The following HFM1 variants were observed in gnomAD, a reference collection of about 807,000 sequenced individuals.
HFM1 encodes probable ATP-dependent DNA helicase HFM1.
In HFM1, 169 loss-of-function variants were observed where a neutral mutation model predicts 192.1. The observed-to-expected ratio is 0.88, with a 90% CI of 0.78 to 1.00. HFM1 has a LOEUF of 1.00. Among genes scored for constraint, HFM1 ranks in the 50% least tolerant of loss-of-function variants. The pLI, the probability that HFM1 is intolerant of heterozygous loss-of-function variation, is 0.00. For synonymous variants in HFM1, 525 were observed against 537.8 expected, an observed-to-expected ratio of 0.98 and a Z score of 0.33; for missense variants, 1,661 against 1,668.0, an observed-to-expected ratio of 1.00 and a Z score of 0.07.
At chr1:91,407,586 T>C (rs1379460329), upstream of HFM1, among the ~76,000 whole-genome samples, 1 of 152,266 alleles carries the variant, frequency 6.6e-6, no homozygotes, top group East Asian at 1.9e-4. Flanking sequence ...TTACTCCTTT[T>C]TAAGGCTCAA....
chr1:91,401,116 A>C lies in HFM1; in HGVS notation c.-27-7T>G. On this transcript the variant is annotated splice_region_variant and splice_polypyrimidine_tract_variant and intron_variant, in intron 1 of 38. Coordinates refer to ENST00000370425, the MANE Select transcript of HFM1 (RefSeq NM_001017975.6). ...ACTGGACTTTGTCATAAATCTACAA[A>C]ATATGGAAAAAGTAGTTTATATTTT... The C allele has an allele frequency of 8.3e-7, 1 of 1,202,434 alleles. No individual in the cohort carries two copies. The allele number at this position is 1,202,434 out of a possible 1,614,324, so 74.5% of individuals were successfully genotyped here.
In HFM1 at chr1:91,364,633, T is replaced by TATA. The variant is rs1491502536; in HGVS notation, c.1685+10724_1685+10725insTAT. Among the ~76,000 whole-genome samples, 240 of 25,180 alleles carry TATA rather than the reference T, an allele frequency of 9.5e-3. 2 individuals carry two copies. Among genetic ancestry groups the TATA allele is most frequent in the African/African-American group, 0.022 (187 of 8,594 alleles). 16.5% of individuals were successfully genotyped at this position (25,180 alleles called of 152,430 possible). A position where few individuals can be genotyped will look rare whatever the true frequency, so the allele number is the denominator to read the frequency against. On this transcript the variant is annotated intron_variant, in intron 13 of 38. Transcript: ENST00000370425. ...ATATATATATATATATATATATATA[T>TATA]TTTTTTTTTTTTTTTGAGACAGAGT...
chr1:91,303,923 G>A (rs1649218493), intron 30 of HFM1, among the ~76,000 whole-genome samples: 1 of 152,100 alleles, frequency 6.6e-6, no homozygotes, highest in South Asian at 2.1e-4. Flanking sequence ...TTGGCTCACT[G>A]CAACCTCTAC....
intron 34 of HFM1, among the ~76,000 whole-genome samples, chr1:91,273,169 A>G (rs1426325372): frequency 6.6e-6 from 1 of 152,026 alleles, no homozygotes; most frequent in Non-Finnish European, 1.5e-5. Flanking sequence ...CAAACTAGCT[A>G]TATCCCACAA....
chr1:91,261,479 A>G (rs538525895), intron 38 of HFM1, 120 bp from the exon 39 acceptor site: 167 of 451,252 alleles, frequency 3.7e-4, no homozygotes, highest in Non-Finnish European at 6.0e-4. Flanking sequence ...TATGAAGTTA[A>G]TGTATCAAAT....
At chr1:91,400,772 C>T (rs1571251580) in intron 2 of HFM1, among the ~76,000 whole-genome samples, 2 of 152,326 alleles carry the variant, frequency 1.3e-5, no homozygotes, top group South Asian at 2.1e-4. Flanking sequence ...GCGTGAGCCA[C>T]TGCGCCTGGC....
intron 30 of HFM1, among the ~76,000 whole-genome samples, chr1:91,300,615 C>T (rs189615465): frequency 6.6e-6 from 1 of 152,156 alleles, no homozygotes; most frequent in East Asian, 1.9e-4. Context: ...CCCTGGGATG[C>T]AAGGCTAGTT....
chr1:91,279,380 T>C (rs1667258335), intron 30 of HFM1, among the ~76,000 whole-genome samples: 1 of 152,190 alleles, frequency 6.6e-6, no homozygotes, highest in Admixed American at 6.5e-5. Context: ...CATGGTCCTG[T>C]TACCTCTCAC....
chr1:91,404,187 C>G (rs932597595), intron 1 of HFM1, among the ~76,000 whole-genome samples: 4 of 152,234 alleles, frequency 2.6e-5, no homozygotes, highest in Admixed American at 2.0e-4. Flanking sequence ...GATCTCACCC[C>G]CTCTCCCCAG....
chr1:91,345,673 G>T (rs1656036629), intron 19 of HFM1, among the ~76,000 whole-genome samples: 1 of 152,082 alleles, frequency 6.6e-6, no homozygotes, highest in Non-Finnish European at 1.5e-5. Flanking sequence ...AAGTCACTCT[G>T]ATCTTTCCCT....
intron 4 of HFM1, among the ~76,000 whole-genome samples, chr1:91,390,294 G>C (rs1309414549): frequency 2.0e-5 from 3 of 151,940 alleles, no homozygotes; most frequent in African/African-American, 4.8e-5. Flanking sequence ...AAATTAGCCG[G>C]GTGTGGTGGC....
intron 30 of HFM1, among the ~76,000 whole-genome samples, chr1:91,304,549 C>T (rs1649324913): frequency 6.6e-6 from 1 of 152,002 alleles, no homozygotes. Context: ...TCACTGCAAC[C>T]TCCGCCTCCT....
chr1:91,362,365 G>C (rs774687908), intron 13 of HFM1, among the ~76,000 whole-genome samples: 6 of 152,146 alleles, frequency 3.9e-5, no homozygotes, highest in Non-Finnish European at 5.9e-5. Context: ...CAAAATCAAT[G>C]TGCAAAAATC....
At position 91,291,429 on chromosome 1, in the gene HFM1, C is replaced by T. The variant is rs1038341074; in HGVS notation, c.3392-14367G>A. On this transcript the variant is annotated intron_variant, in intron 30 of 38. Transcript: ENST00000370425. ...TCAGATAATACTACAAACACCTCTA[C>T]GCAAATAAACTAGAAAATCTGGAAG... is the stretch of plus-strand genomic sequence containing the variant. 2.8e-3 allele frequency among the ~76,000 whole-genome samples: 424 copies of T among 152,230 alleles called. 1 individual carries two copies. Among genetic ancestry groups the T allele is most frequent in the African/African-American group, 9.2e-3 (381 of 41,536 alleles).
intron 16 of HFM1, 111 bp downstream of exon 16, chr1:91,352,395 G>T (rs1418359970): frequency 9.4e-6 from 7 of 743,414 alleles, no homozygotes; most frequent in Non-Finnish European, 1.5e-5. Context: ...AATTTTCTCT[G>T]CTATATTACT....
intron 20 of HFM1, chr1:91,329,184 T>C: frequency 6.2e-7 from 1 of 1,610,194 alleles, no homozygotes; most frequent in South Asian, 1.1e-5. Context: ...CAAGTACCCT[T>C]TGCCAGAAAA....
chr1:91,350,828 G>A lies in HFM1; in HGVS notation c.2116C>T (p.Leu706=). Residue 706 remains leucine, a synonymous_variant, in exon 18 of 39, where the codon CTG becomes TTG. Transcript: ENST00000370425. ...LIEHLNAEIV[L]HTITDVNIAV... ...ATATTCACATCCGTGATGGTATGCA[G>A]TACTATCTCTGCATTTAAATGTTCA... 2 of 1,597,472 alleles carry A rather than the reference G, an allele frequency of 1.3e-6. No homozygotes were observed. The highest frequency in any genetic ancestry group is 1.7e-6 in the Non-Finnish European group (2 of 1,167,890).
At chr1:91,261,484 TC>T in intron 38 of HFM1, 125 bp from the exon 39 acceptor site, 2 of 437,180 alleles carry the variant, frequency 4.6e-6, no homozygotes, top group Non-Finnish European at 7.9e-6. Flanking sequence ...AGTTAATGTA[TC>T]AAATAAACTT....
At chr1:91,299,882 A>C (rs1263511412) in intron 30 of HFM1, among the ~76,000 whole-genome samples, 1 of 152,222 alleles carries the variant, frequency 6.6e-6, no homozygotes, top group Non-Finnish European at 1.5e-5. Context: ...GAACTAGAGA[A>C]GTAAGAGCAA....
Sources: gnomAD v4.1 joint callset for allele counts (sites outside exome capture counted in the v4.1 genomes callset) on GRCh38, gnomAD v4.1.1 for gene constraint, MANE v1.5 for transcripts, NCBI Gene and HGNC (gene_info 2026-07-23, HGNC 2026-07-21) for gene names.